SGCE: variants seen among roughly 807,000 people sequenced by gnomAD.
The protein encoded by SGCE is sarcoglycan epsilon, also known as epsilon-sarcoglycan.
A neutral mutation model predicts 57.8 loss-of-function variants in SGCE; 26 were observed. The ratio of observed to expected loss-of-function variants is 0.45; its 90% CI spans 0.33 to 0.62. SGCE has a LOEUF of 0.62. SGCE is among the 20% of genes least tolerant of loss of function. The probability of loss-of-function intolerance (pLI) is 0.02; values close to 1 mark genes in which losing one functional copy is unlikely to be tolerated. For missense variants in SGCE, 468 were observed against 548.6 expected (o/e 0.85, Z 1.47); for synonymous variants, 183 against 189.5 (o/e 0.97, Z 0.28).
At chr7:94,610,459 T>C (rs1401632916) in intron 5 of SGCE, among the ~76,000 whole-genome samples, 1 of 152,184 alleles carries the variant, frequency 6.6e-6, no homozygotes, top group Non-Finnish European at 1.5e-5. Context: ...AAGCAATCTC[T>C]GCACCTTATG....
chr7:94,628,362 A>T lies in SGCE; in HGVS notation c.233-3T>A. Reference sequence around the variant, plus strand: ...TATGGGATCATTACTAATCTCGCCTAGATAAGAAACAGAGAATTAAGACAT... The same window carrying T: ...TATGGGATCATTACTAATCTCGCCTTGATAAGAAACAGAGAATTAAGACAT... On this transcript the variant is annotated splice_region_variant and splice_polypyrimidine_tract_variant and intron_variant, in intron 2 of 10. Transcript: ENST00000648936. 1 of 1,604,938 alleles carries T rather than the reference A, an allele frequency of 6.2e-7. No individual in the cohort carries two copies. The highest frequency in any genetic ancestry group is 8.5e-7 in the Non-Finnish European group (1 of 1,172,796).
chr7:94,633,412 G>A (rs543588245), intron 1 of SGCE, among the ~76,000 whole-genome samples: 1 of 152,176 alleles, frequency 6.6e-6, no homozygotes, highest in South Asian at 2.1e-4. Flanking sequence ...GAGAGCCAAA[G>A]GGTTATGTAA....
chr7:94,589,697 AG>A (rs1797402611), intron 9 of SGCE: 1 of 164,524 alleles, frequency 6.1e-6, no homozygotes, highest in Non-Finnish European at 1.3e-5. Flanking sequence ...CGAGGGATCT[AG>A]GTTGTGCACT....
chr7:94,633,842 C>T (rs1805121089), intron 1 of SGCE, among the ~76,000 whole-genome samples: 1 of 152,184 alleles, frequency 6.6e-6, no homozygotes, highest in South Asian at 2.1e-4. Context: ...CTTCACAATT[C>T]TCACAATGAT....
rs1807412829 is a variant in SGCE, at chr7:94,648,390, A to AAAAAAAAAAAAAAAAAAAAAAAAT, written c.109+7599_109+7600insATTTTTTTTTTTTTTTTTTTTTTT. Reference sequence around the variant, plus strand: ...AACTCTGTCTCCAAAAAAAAAAAAAAAAAAAAAAGAATTACTAATTAGTAA... The same window carrying AAAAAAAAAAAAAAAAAAAAAAAAT: ...AACTCTGTCTCCAAAAAAAAAAAAAAAAAAAAAAAAAAAAAAAAAAAAATAAAAAAAAGAATTACTAATTAGTAA... On this transcript the variant is annotated intron_variant, in intron 1 of 10. Coordinates refer to ENST00000648936, the MANE Select transcript of SGCE (RefSeq NM_003919.3). Among the ~76,000 whole-genome samples the AAAAAAAAAAAAAAAAAAAAAAAAT allele has an allele frequency of 1.3e-5, 2 of 151,152 alleles. 1 individual carries two copies. The highest frequency in any genetic ancestry group is 3.0e-5 in the Non-Finnish European group (2 of 67,790).
chr7:94,641,242 T>TA (rs1374164326), intron 1 of SGCE, among the ~76,000 whole-genome samples: 1 of 152,158 alleles, frequency 6.6e-6, no homozygotes, highest in Non-Finnish European at 1.5e-5. Flanking sequence ...AGTGAGAAGT[T>TA]ACTGGTGACT....
intron 1 of SGCE, among the ~76,000 whole-genome samples, chr7:94,630,679 T>C (rs998809096): frequency 3.9e-5 from 6 of 151,950 alleles, no homozygotes; most frequent in Admixed American, 1.3e-4. Context: ...ACTAACACAT[T>C]ATTGCCGTTA....
intron 1 of SGCE, among the ~76,000 whole-genome samples, chr7:94,651,410 C>G (rs969376577): frequency 6.6e-6 from 1 of 152,116 alleles, no homozygotes; most frequent in Non-Finnish European, 1.5e-5. Flanking sequence ...GATCCTTAAC[C>G]AGGGACGATA....
intron 10 of SGCE, chr7:94,586,963 TTAGTCTA>T: frequency 1.0e-6 from 1 of 983,254 alleles, no homozygotes; most frequent in Non-Finnish European, 1.2e-6. Context: ...ATACTGTACT[TTAGTCTA>T]TAATATGATC....
chr7:94,596,209 G>A (rs1413096079), intron 9 of SGCE, among the ~76,000 whole-genome samples: 2 of 152,128 alleles, frequency 1.3e-5, no homozygotes, highest in Non-Finnish European at 2.9e-5. Context: ...TCCATTTGGT[G>A]TAAACTAGAT....
intron 5 of SGCE, among the ~76,000 whole-genome samples, chr7:94,614,021 C>A (rs1235816609): frequency 7.0e-6 from 1 of 142,926 alleles, no homozygotes; most frequent in Admixed American, 7.3e-5. Context: ...ATTAGGAAAA[C>A]ATTGAAAACT....
At chr7:94,654,792 T>C (rs1004632335) in intron 1 of SGCE, among the ~76,000 whole-genome samples, 1 of 152,228 alleles carries the variant, frequency 6.6e-6, no homozygotes, top group African/African-American at 2.4e-5. Context: ...GTTACTAAAA[T>C]GTGCTCAATT....
chr7:94,623,853 CCAAT>C (rs1300820654), intron 3 of SGCE: 2 of 355,956 alleles, frequency 5.6e-6, no homozygotes, highest in Non-Finnish European at 1.0e-5. Flanking sequence ...AAACTGCACC[CCAAT>C]CAGTCAAAAA....
At chr7:94,587,722 A>G in intron 10 of SGCE, 2 of 1,534,488 alleles carry the variant, frequency 1.3e-6, no homozygotes, top group South Asian at 1.3e-5. Context: ...TTGTAGGGAA[A>G]AATTCTGATA....
chr7:94,655,723 A>G (rs1369643275), intron 1 of SGCE, among the ~76,000 whole-genome samples: 1 of 150,862 alleles, frequency 6.6e-6, no homozygotes, highest in Non-Finnish European at 1.5e-5. Flanking sequence ...CAGGAATTGG[A>G]GATGGAATTT....
At chr7:94,598,287 TC>T (rs1798709981) in intron 9 of SGCE, 1 of 180,906 alleles carries the variant, frequency 5.5e-6, no homozygotes, top group African/African-American at 2.4e-5. Flanking sequence ...GTGTTTATAG[TC>T]CAAATTGGAG....
chr7:94,644,755 T>C, intron 1 of SGCE: 1 of 483,036 alleles, frequency 2.1e-6, no homozygotes, highest in South Asian at 1.8e-5. Context: ...ACCATCCCCA[T>C]CCAAGTTGTT....
At chr7:94,643,050 C>A (rs1806616193) in intron 1 of SGCE, among the ~76,000 whole-genome samples, 1 of 152,178 alleles carries the variant, frequency 6.6e-6, no homozygotes, top group Non-Finnish European at 1.5e-5. Flanking sequence ...GGGGTGAGTG[C>A]CCAGGCAGCT....
rs1256924868 is a variant in SGCE, at chr7:94,615,361, AATAAATAG to A, written c.662+3389_662+3396del. Among the ~76,000 whole-genome samples, 333 of 132,282 alleles carry A rather than the reference AATAAATAG, an allele frequency of 2.5e-3. 2 individuals carry two copies. Among genetic ancestry groups the A allele is most frequent in the African/African-American group, 9.0e-3 (306 of 34,130 alleles). The allele number at this position is 132,282 out of a possible 152,430, so 86.8% of individuals were successfully genotyped here. On this transcript the variant is annotated intron_variant, in intron 5 of 10. Transcript: ENST00000648936. Reference sequence around the variant, plus strand: ...GTGACAGAGCAAGACTCTGTCTCAAAATAAATAGATAGATAGATAGATAGATAGATAGA... The same window carrying A: ...GTGACAGAGCAAGACTCTGTCTCAAAATAGATAGATAGATAGATAGATAGA...
Sources: allele counts gnomAD v4.1 joint callset (sites outside exome capture counted in the v4.1 genomes callset), GRCh38; gene constraint gnomAD v4.1.1; transcripts MANE v1.5; gene names NCBI Gene and HGNC (gene_info 2026-07-23, HGNC 2026-07-21).